The following NEB variants were observed in gnomAD, a reference collection of about 807,000 sequenced individuals.
NEB encodes nebulin, also known as nemaline myopathy type 2.
A neutral mutation model predicts 952.2 loss-of-function variants in NEB; 512 were observed. The ratio of observed to expected loss-of-function variants is 0.54; its 90% CI spans 0.50 to 0.58. NEB has a LOEUF of 0.58. NEB is among the 20% of genes least tolerant of loss of function. The pLI, the probability that NEB is intolerant of heterozygous loss-of-function variation, is 0.00. For missense variants in NEB, 8,428 were observed against 9,231.1 expected, an observed-to-expected ratio of 0.91 and a Z score of 3.56; for synonymous variants, 2,900 against 3,149.8, an observed-to-expected ratio of 0.92 and a Z score of 2.66.
intron 63 of NEB, among the ~76,000 whole-genome samples, chr2:151,638,444 G>C (rs928110938): frequency 2.6e-5 from 4 of 152,242 alleles, no homozygotes; most frequent in African/African-American, 9.6e-5. Flanking sequence ...AAGGTGGCAG[G>C]GGAGGCACCC....
chr2:151,574,438 GATTT>G (rs1192924169), intron 107 of NEB, among the ~76,000 whole-genome samples: 8 of 152,034 alleles, frequency 5.3e-5, no homozygotes, highest in African/African-American at 1.9e-4. Context: ...TTTGATTTGA[GATTT>G]ATTTTTCAGT....
At chr2:151,687,113 G>T (rs1038447201) in intron 27 of NEB, among the ~76,000 whole-genome samples, 4 of 152,038 alleles carry the variant, frequency 2.6e-5, no homozygotes, top group African/African-American at 9.7e-5. Flanking sequence ...TCAATTAGAA[G>T]AAAATATGAA....
intron 176 of NEB, chr2:151,493,104 A>C (rs994220199): frequency 2.2e-5 from 9 of 418,572 alleles, no homozygotes; most frequent in South Asian, 1.7e-4. Flanking sequence ...AAACATTGGC[A>C]ATTAACTTGT....
intron 135 of NEB, among the ~76,000 whole-genome samples, chr2:151,545,022 C>T (rs949888235): frequency 3.9e-5 from 6 of 152,330 alleles, no homozygotes; most frequent in African/African-American, 1.4e-4. Context: ...ATGTAAATAA[C>T]ATGGGGTCCA....
intron 102 of NEB, 118 bp from the exon 103 acceptor site, chr2:151,581,705 G>C: frequency 1.8e-6 from 2 of 1,141,258 alleles, no homozygotes; most frequent in Non-Finnish European, 2.5e-6. Flanking sequence ...AAAATTTTAA[G>C]TGAATTTTAT....
chr2:151,662,375 A>G (rs1395802555), intron 45 of NEB, 34 bp from the exon 46 acceptor site: 1 of 1,495,024 alleles, frequency 6.7e-7, no homozygotes, highest in Non-Finnish European at 9.0e-7. Flanking sequence ...TATGAGAAGA[A>G]ACTGGAACTT....
At position 151,727,717 on chromosome 2, in the gene NEB, G is replaced by C. The variant is rs1313274848; in HGVS notation, c.268C>G (p.Gln90Glu). The C allele has an allele frequency of 6.2e-7, 1 of 1,613,272 alleles. No individual in the cohort carries two copies. Among genetic ancestry groups the C allele is most frequent in the Non-Finnish European group, 8.5e-7 (1 of 1,179,478 alleles). Residue 90 changes from glutamine to glutamate, a missense_variant, in exon 5 of 182, where the codon CAG becomes GAG. Physicochemically the swap from Gln to Glu is conservative, Grantham distance 29. Transcript: ENST00000397345. Reference protein sequence around the residue: ...KFMTPYIAHSQKMQDLFSPNK... With the variant: ...KFMTPYIAHSEKMQDLFSPNK... ...GGGCTAAAAAGATCCTGCATTTTCT[G>C]ACTGTGTGCAATGTAGGGGGTCATG... is the stretch of plus-strand genomic sequence containing the variant.
rs201468807 is a variant in NEB at position 151,682,739 on chromosome 2, T to A, written c.2866A>T (p.Met956Leu). 5.0e-6 allele frequency: 8 copies of A among 1,613,444 alleles called. No homozygotes were observed. Among genetic ancestry groups the A allele is most frequent in the African/African-American group, 1.3e-5 (1 of 75,026 alleles). Residue 956 changes from methionine (M) to leucine (L), a missense_variant, in exon 29 of 182, where the codon ATG (methionine) becomes TTG (leucine). By Grantham distance (15) the Met-to-Leu change is conservative (BLOSUM62 2). Around this residue, in one of 11 missense-constraint regions of NEB, gnomAD observed 2,851 missense variants for 2,791.5 expected, o/e 1.02. Transcript: ENST00000397345. ...AAAGGCACCCAGCCACAACCTTTCA[T>A]CCAGCTATTGTAGTCAGCTTTGTAT... ...VEYKADYNSW[M>L]KGCGWVPFGS...
chr2:151,516,914 A>G (rs113680966), intron 156 of NEB, among the ~76,000 whole-genome samples: 1 of 152,340 alleles, frequency 6.6e-6, no homozygotes, highest in African/African-American at 2.4e-5. Context: ...AGCTGTAAAC[A>G]CTTTAAAATT....
intron 9 of NEB, among the ~76,000 whole-genome samples, chr2:151,717,847 C>T (rs1242958483): frequency 9.1e-6 from 1 of 110,046 alleles, no homozygotes; most frequent in Non-Finnish European, 2.1e-5. Flanking sequence ...CCATATACCT[C>T]CTTTGTTCTT....
intron 60 of NEB, among the ~76,000 whole-genome samples, chr2:151,641,861 C>T (rs150875491): frequency 7.9e-5 from 12 of 152,180 alleles, no homozygotes; most frequent in Admixed American, 2.6e-4. Context: ...ATGTGCACAA[C>T]GTGCAGGTTT....
At chr2:151,610,444 G>A (rs1002225964) in intron 80 of NEB, 72 bp downstream of exon 80, 6 of 1,136,070 alleles carry the variant, frequency 5.3e-6, no homozygotes, top group Admixed American at 1.8e-5. Context: ...TATAGAGTGT[G>A]TGGTTCACCA....
intron 173 of NEB, 117 bp from the exon 174 acceptor site, chr2:151,494,370 T>C: frequency 2.9e-6 from 2 of 699,122 alleles, no homozygotes; most frequent in Non-Finnish European, 5.0e-6. Context: ...ATTTGGGCAA[T>C]TAGGTTAGAT....
At chr2:151,676,019 T>A (rs540401629) in intron 34 of NEB, among the ~76,000 whole-genome samples, 2 of 152,302 alleles carry the variant, frequency 1.3e-5, no homozygotes, top group South Asian at 4.1e-4. Flanking sequence ...TAGAAATATA[T>A]TACTTAGTTC....
intron 9 of NEB, among the ~76,000 whole-genome samples, chr2:151,718,129 A>G (rs2150377922): frequency 6.6e-6 from 1 of 152,262 alleles, no homozygotes; most frequent in African/African-American, 2.4e-5. Flanking sequence ...CTGGGATTAC[A>G]GGCGTGAGCC....
intron 74 of NEB, among the ~76,000 whole-genome samples, chr2:151,617,957 G>T (rs1164017455): frequency 1.3e-5 from 2 of 152,140 alleles, no homozygotes; most frequent in Non-Finnish European, 2.9e-5. Flanking sequence ...CTACTTGGGA[G>T]GCTGAGGCAA....
chr2:151,508,798 G>A lies in NEB; in HGVS notation c.23347-689C>T, dbSNP rs192161410. 1.5e-3 allele frequency among the ~76,000 whole-genome samples: 228 copies of A among 152,368 alleles called. 2 individuals carry two copies. In the South Asian group the frequency reaches 0.031, roughly 21 times the overall value. ...ACATCACTATTCCTTGGGCTCCCCT[G>A]TCCTGCCCCAGCCTTTGGCTGGAGA... On this transcript the variant is annotated intron_variant, in intron 161 of 181. Coordinates refer to ENST00000397345, the MANE Select transcript of NEB (RefSeq NM_001164508.2).
rs1453672764 is a variant in NEB at position 151,491,998 on chromosome 2, T to C, written c.25057+100A>G. On this transcript the variant is annotated intron_variant, in intron 178 of 181. Coordinates refer to ENST00000397345, the MANE Select transcript of NEB (RefSeq NM_001164508.2). The stretch of plus-strand genomic sequence containing the variant: ...TTCTTGCACCTCTAGAAAAACAGAT[T>C]GAAGTCCTTTATGTTTTGACTTGAT... 19 of 1,278,056 alleles carry C rather than the reference T, an allele frequency of 1.5e-5. 1 individual carries two copies. In the East Asian group the frequency reaches 4.4e-4, roughly 30 times the overall value. The allele number at this position is 1,278,056 out of a possible 1,614,324, so 79.2% of individuals were successfully genotyped here.
rs772803200 is a variant in NEB, at chr2:151,493,807, T to C, written c.24640A>G (p.Arg8214Gly). The C allele has an allele frequency of 9.5e-6, 15 of 1,586,524 alleles. No homozygotes were observed. The highest frequency in any genetic ancestry group is 5.3e-5 in the Admixed American group (3 of 56,200). Residue 8214 changes from arginine (R) to glycine (G), a missense_variant, in exon 175 of 182, where the codon AGA becomes GGA. This residue lies in a region of NEB where 3,374 missense variants were observed against 3,651.5 expected (regional missense o/e 0.92). Transcript: ENST00000397345. ...AAGTTTTCTTGATTGCGTTTCACTC[T>C]TTCCATCTCAGGAGTAAAGGGTGTG... ...TPTPFTPEMERVKRNQENFSS... is the reference protein window; with the variant it reads ...TPTPFTPEMEGVKRNQENFSS...
Sources: gnomAD v4.1 joint callset for allele counts (sites outside exome capture counted in the v4.1 genomes callset) on GRCh38, gnomAD v4.1.1 for gene constraint, gnomAD v4.1.1 regional missense constraint, MANE v1.5 for transcripts, NCBI Gene and HGNC (gene_info 2026-07-23, HGNC 2026-07-21) for gene names.